Variants in MESP1 observed in about 807,000 individuals in gnomAD.
MESP1 encodes the protein mesoderm posterior protein 1.
Under a neutral mutation model 15.2 loss-of-function variants are expected in MESP1, and 22 were observed. The ratio of observed to expected loss-of-function variants is 1.45; its 90% CI spans 1.04 to 2.07. The LOEUF is 2.07. Among genes scored for constraint, MESP1 ranks in the 30% most tolerant of loss-of-function variants. The pLI, the probability that MESP1 is intolerant of heterozygous loss-of-function variation, is 0.00. For synonymous variants in MESP1, 216 were observed against 192.6 expected (o/e 1.12, Z -1.01); for missense variants, 484 against 411.9 (o/e 1.17, Z -1.51).
At chr15:89,735,643 G>A in the MESP1 span, 1 of 1,372,822 alleles carries the variant, frequency 7.3e-7, no homozygotes, top group East Asian at 2.3e-5. Flanking sequence ...AATGCTTATT[G>A]AAGGCCTGTT....
chr15:89,734,772 C>A, the MESP1 span, among the ~76,000 whole-genome samples: 1 of 152,012 alleles, frequency 6.6e-6, no homozygotes, highest in East Asian at 1.9e-4. Context: ...ACCACTTGAG[C>A]TCAGGAGTTC....
chr15:89,734,314 C>G, the MESP1 span, among the ~76,000 whole-genome samples: 1 of 152,172 alleles, frequency 6.6e-6, no homozygotes, highest in South Asian at 2.1e-4. Context: ...CTCAAATGTG[C>G]CTTCAGGCAG....
At chr15:89,740,937 C>T in the MESP1 span, among the ~76,000 whole-genome samples, 1 of 151,944 alleles carries the variant, frequency 6.6e-6, no homozygotes, top group Non-Finnish European at 1.5e-5. Context: ...GCCAGGCGTT[C>T]GAGACCAGGC....
chr15:89,737,579 A>C, the MESP1 span: 4 of 1,614,198 alleles, frequency 2.5e-6, no homozygotes, highest in South Asian at 2.2e-5. Flanking sequence ...CCAGGTGCTC[A>C]TCTTTTCCAA....
chr15:89,738,303 G>A, the MESP1 span: 1 of 1,479,494 alleles, frequency 6.8e-7, no homozygotes, highest in African/African-American at 1.4e-5. Context: ...GGATAGTGGA[G>A]TTTCTTTCAT....
the MESP1 span, chr15:89,743,333 A>C: frequency 1.2e-6 from 2 of 1,614,198 alleles, no homozygotes; most frequent in South Asian, 2.2e-5. Context: ...GAGGAGGAGC[A>C]CTGGGCCCGG....
downstream of MESP1, chr15:89,748,615 G>A (rs1390222872): frequency 6.6e-6 from 1 of 152,230 alleles, no homozygotes; most frequent in Non-Finnish European, 1.5e-5. Context: ...AGCATGATGA[G>A]CCTTAAAAAC....
the MESP1 span, chr15:89,732,940 C>A: frequency 3.3e-5 from 48 of 1,445,204 alleles, 1 homozygote; most frequent in Middle Eastern, 1.9e-4. Context: ...CTGGTCACAG[C>A]CCCTGTGCCC....
the MESP1 span, among the ~76,000 whole-genome samples, chr15:89,736,822 C>T: frequency 2.7e-5 from 4 of 147,722 alleles, no homozygotes; most frequent in Non-Finnish European, 4.5e-5. Flanking sequence ...AACGGAGTCT[C>T]GCTCTGCCGC....
chr15:89,733,397 A>ACATTTCTAAC, the MESP1 span, among the ~76,000 whole-genome samples: 1 of 152,284 alleles, frequency 6.6e-6, no homozygotes, highest in South Asian at 2.1e-4. Context: ...TTTCTAACAA[A>ACATTTCTAAC]ATTGTATGAT....
At chr15:89,745,890 CAT>C (rs1967931981), downstream of MESP1, among the ~76,000 whole-genome samples, 1 of 79,490 alleles carries the variant, frequency 1.3e-5, no homozygotes, top group South Asian at 4.8e-4. This position sits in a 1 kb window ranked among gnomAD's most constrained non-coding sequence, Gnocchi z 4.8. Context: ...CACCTCCACA[CAT>C]CCACACCTCC....
the MESP1 span, chr15:89,743,304 G>A: frequency 1.2e-6 from 2 of 1,614,200 alleles, no homozygotes; most frequent in South Asian, 2.2e-5. Flanking sequence ...ATCGGAAGCT[G>A]GAGAAGAACC....
chr15:89,750,305 C>G (rs2141754542), intron 1 of MESP1, 78 bp from the exon 2 acceptor site: 7 of 1,581,802 alleles, frequency 4.4e-6, no homozygotes, highest in East Asian at 4.5e-5. Context: ...GGGCTCCACT[C>G]TCAGGGGGCC....
At chr15:89,738,217 G>C in the MESP1 span, 1 of 1,611,228 alleles carries the variant, frequency 6.2e-7, no homozygotes, top group Non-Finnish European at 8.5e-7. Flanking sequence ...GAAGAGATGT[G>C]AGCGTTTCCT....
At chr15:89,740,001 G>A in the MESP1 span, among the ~76,000 whole-genome samples, 11 of 152,308 alleles carry the variant, frequency 7.2e-5, no homozygotes, top group Non-Finnish European at 1.3e-4. Context: ...CCTTGGGCGA[G>A]TTACTCAGCC....
At chr15:89,734,718 G>T in the MESP1 span, among the ~76,000 whole-genome samples, 5 of 151,934 alleles carry the variant, frequency 3.3e-5, no homozygotes, top group Non-Finnish European at 7.4e-5. Flanking sequence ...GGTACAGAGG[G>T]TCACACCTGT....
chr15:89,743,882 G>C, the MESP1 span, among the ~76,000 whole-genome samples: 1 of 152,214 alleles, frequency 6.6e-6, no homozygotes, highest in Non-Finnish European at 1.5e-5. Context: ...GCTCAGGATG[G>C]TGGCGTAAGG....
Position 89,751,161 on chromosome 15 carries a change from C to T in MESP1, c.71G>A (p.Arg24Gln), listed in dbSNP as rs1968093499. The part of the protein sequence containing the change: ...MLSAAWGPTR[R>Q]PPPSDKDCGR... Reference sequence around the variant, plus strand: ...GCAGTCCTTGTCGGAGGGCGGCGGCCGCCGAGTTGGGCCCCAGGCCGCAGA... The same window carrying T: ...GCAGTCCTTGTCGGAGGGCGGCGGCTGCCGAGTTGGGCCCCAGGCCGCAGA... The change falls in exon 1 of 2, where the codon CGG becomes CAG. Residue 24 changes from arginine to glutamine, a missense_variant. Physicochemically the swap from Arg to Gln is conservative, Grantham distance 43 (BLOSUM62 1). Coordinates refer to ENST00000300057, the MANE Select transcript of MESP1 (RefSeq NM_018670.4). 1.6e-6 allele frequency: 2 copies of T among 1,267,004 alleles called. No homozygotes were observed. Among genetic ancestry groups the T allele is most frequent in the East Asian group, 3.0e-5 (1 of 33,504 alleles). 78.5% of individuals were successfully genotyped at this position (1,267,004 alleles called of 1,614,324 possible).
In MESP1 at chr15:89,749,997, G is replaced by A. The variant is rs1968049942; in HGVS notation, c.*147C>T. On this transcript the variant is annotated 3_prime_UTR_variant, in exon 2 of 2. Transcript: ENST00000300057. Reference sequence around the variant, plus strand: ...GGGAGGGGCTGAGAAGGGCCGCCGCGGTGGGGACGGCTCTCACCCGCAGGA... The same window carrying A: ...GGGAGGGGCTGAGAAGGGCCGCCGCAGTGGGGACGGCTCTCACCCGCAGGA... 6.6e-6 allele frequency: 5 copies of A among 758,724 alleles called. No homozygotes were observed. In the Admixed American group the frequency reaches 8.6e-5, roughly 13 times the overall value. 47.0% of individuals were successfully genotyped at this position (758,724 alleles called of 1,614,324 possible).
Sources: gnomAD v4.1 joint callset for allele counts (sites outside exome capture counted in the v4.1 genomes callset) on GRCh38, gnomAD v4.1.1 for gene constraint, Gnocchi (gnomAD v3.1) non-coding constraint, MANE v1.5 for transcripts, NCBI Gene and HGNC (gene_info 2026-07-23, HGNC 2026-07-21) for gene names.